Variants in FAT2 observed in about 807,000 individuals in gnomAD.
FAT2 encodes the protein FAT atypical cadherin 2.
In FAT2, 150 loss-of-function variants were observed where a neutral mutation model predicts 295.3. That is an observed-to-expected ratio of 0.51 (90% CI 0.44 to 0.58). The LOEUF (loss-of-function observed/expected upper bound fraction) is 0.58. Among genes scored for constraint, FAT2 ranks in the 20% least tolerant of loss-of-function variants. FAT2 has a pLI of 0.00. For missense variants in FAT2, 4,868 were observed against 5,442.7 expected (o/e 0.89, Z 3.32); for synonymous variants, 2,026 against 2,150.3 (o/e 0.94, Z 1.60).
In FAT2 at chr5:151,521,868, G is replaced by A. The variant is rs2127580211; in HGVS notation, c.10725C>T (p.Gly3575=). 1 of 1,614,180 alleles carries A rather than the reference G, an allele frequency of 6.2e-7. No individual in the cohort carries two copies. Among genetic ancestry groups the A allele is most frequent in the Non-Finnish European group, 8.5e-7 (1 of 1,180,016 alleles). Residue 3575 remains glycine, a synonymous_variant, in exon 19 of 24, where the codon GGC becomes GGT. Transcript: ENST00000261800. ...CAGGCGCACCCACTGAGAAGTGCCT[G>A]CCCAGGGTCTCCTCTTCTGCCAGGC... ...TYSLAEEETL[G]RHFSVGAPDG... is the part of the protein sequence containing the mutation.
Position 151,521,921 on chromosome 5 carries a change from G to C in FAT2, c.10672C>G (p.Arg3558Gly). The C allele has an allele frequency of 6.2e-7, 1 of 1,613,904 alleles. No homozygotes were observed. The highest frequency in any genetic ancestry group is 8.5e-7 in the Non-Finnish European group (1 of 1,179,808). The change falls in exon 19 of 24, where the codon CGA becomes GGA. Residue 3558 changes from arginine to glycine, a missense_variant. Transcript: ENST00000261800. Reference protein sequence around the residue: ...GMVGKIHATDRDPQDTLTYSL... With the variant: ...GMVGKIHATDGDPQDTLTYSL... ...TAGGTCAGCGTGTCCTGGGGGTCTC[G>C]GTCTGTGGCATGGATCTTACCCACC...
chr5:151,565,657 A>AAAC lies in FAT2; in HGVS notation c.3259+15_3259+16insGTT. On this transcript the variant is annotated intron_variant, in intron 2 of 23. Coordinates refer to ENST00000261800, the MANE Select transcript of FAT2 (RefSeq NM_001447.3). ...ACCTCTGGCCCTGGCACCCCACCCT[A>AAAC]CCCCACCCCCAGTACCTGTATCTTG... 10 of 1,038,294 alleles carry AAAC rather than the reference A, an allele frequency of 9.6e-6. No homozygotes were observed. Among genetic ancestry groups the AAAC allele is most frequent in the South Asian group, 1.5e-5 (1 of 67,370 alleles). The allele number at this position is 1,038,294 out of a possible 1,614,324, so 64.3% of individuals were successfully genotyped here.
intron 2 of FAT2, 26 bp downstream of exon 2, chr5:151,565,647 A>ACCGCCC: frequency 3.2e-5 from 47 of 1,461,012 alleles, no homozygotes; most frequent in Non-Finnish European, 3.2e-5. Context: ...TGGCCCTGGC[A>ACCGCCC]CCCCACCCTA....
intron 1 of FAT2, among the ~76,000 whole-genome samples, chr5:151,584,634 G>A (rs896959410): frequency 1.3e-5 from 2 of 152,182 alleles, no homozygotes; most frequent in East Asian, 1.9e-4. Flanking sequence ...CTTAGTGAGC[G>A]CTTGTGCTGT....
At chr5:151,556,250 A>T (rs527519433) in intron 4 of FAT2, 94 bp downstream of exon 4, 1 of 1,044,390 alleles carries the variant, frequency 9.6e-7, no homozygotes. Flanking sequence ...CTGAACCCAG[A>T]CCCTCCTCAG....
At chr5:151,509,877 C>T (rs1167496447) in intron 22 of FAT2, 144 bp downstream of exon 22, 1 of 924,142 alleles carries the variant, frequency 1.1e-6, no homozygotes, top group Non-Finnish European at 1.6e-6. Flanking sequence ...GGTTGGGGAC[C>T]ACTGCCCTAA....
Position 151,544,845 on chromosome 5 carries a change from G to C in FAT2, c.6282C>G (p.Ala2094=). ...EPGDVLFQVS[A]TDEDLGTNGA... Reference sequence around the variant, plus strand: ...CATTTGTCCCCAAGTCCTCATCAGTGGCAGATACCTGAAAGAGGACATCCC... The same window carrying C: ...CATTTGTCCCCAAGTCCTCATCAGTCGCAGATACCTGAAAGAGGACATCCC... Residue 2094 remains alanine (A), a synonymous_variant, in exon 10 of 24, where the codon GCC becomes GCG. Transcript: ENST00000261800. 1 of 1,614,170 alleles carries C rather than the reference G, an allele frequency of 6.2e-7. No individual in the cohort carries two copies. The highest frequency in any genetic ancestry group is 8.5e-7 in the Non-Finnish European group (1 of 1,180,032).
rs1171640216 is a variant in FAT2 at position 151,525,897 on chromosome 5, G to A, written c.10377C>T (p.Gly3459=). 2 of 1,614,170 alleles carry A rather than the reference G, an allele frequency of 1.2e-6. No homozygotes were observed. Among genetic ancestry groups the A allele is most frequent in the East Asian group, 4.5e-5 (2 of 44,886 alleles). The change falls in exon 18 of 24, where the codon GGC becomes GGT. Residue 3459 remains glycine (G), a synonymous_variant. Coordinates refer to ENST00000261800, the MANE Select transcript of FAT2 (RefSeq NM_001447.3). ...ILSDPDSPEN[G]PPYSFRITKG... Reference sequence around the variant, plus strand: ...TGGTGATTCGAAACGAGTAGGGGGGGCCATTCTCTGGAGAATCTGGGTCAC... The same window carrying A: ...TGGTGATTCGAAACGAGTAGGGGGGACCATTCTCTGGAGAATCTGGGTCAC...
At chr5:151,561,961 A>T (rs531118817) in intron 3 of FAT2, among the ~76,000 whole-genome samples, 26 of 152,210 alleles carry the variant, frequency 1.7e-4, no homozygotes, top group Non-Finnish European at 3.1e-4. Context: ...TGAGAAGTTA[A>T]TGCCTTAGGT....
rs757933063 is a variant in FAT2, at chr5:151,525,943, T to C, written c.10331A>G (p.Lys3444Arg). ...GTCACTCAGGATCAGCTGCAGGACT[T>C]TGCTGCCAATGGGGGAGTTCTCCTG... ...TVQENSPIGS[K>R]VLQLILSDPD... Residue 3444 changes from lysine (K) to arginine (R), a missense_variant, in exon 18 of 24, where the codon AAA becomes AGA. By Grantham distance (26) the Lys-to-Arg change is conservative. This residue lies in a region of FAT2 where 1,046 missense variants were observed against 1,210.1 expected (regional missense o/e 0.86). Coordinates refer to ENST00000261800, the MANE Select transcript of FAT2 (RefSeq NM_001447.3). 1 of 1,614,126 alleles carries C rather than the reference T, an allele frequency of 6.2e-7. No homozygotes were observed.
chr5:151,542,056 A>G (rs756296312), intron 10 of FAT2, among the ~76,000 whole-genome samples: 4 of 152,224 alleles, frequency 2.6e-5, no homozygotes, highest in Non-Finnish European at 5.9e-5. Flanking sequence ...TTTCTAATGT[A>G]TAGGTGCTTT....
In FAT2 at chr5:151,553,356, A is replaced by T. The variant is rs768545956; in HGVS notation, c.3977T>A (p.Leu1326His). 3 of 1,614,206 alleles carry T rather than the reference A, an allele frequency of 1.9e-6. No homozygotes were observed. Among genetic ancestry groups the T allele is most frequent in the Non-Finnish European group, 2.5e-6 (3 of 1,180,034 alleles). The part of the protein sequence containing the change: ...IKATDSGQPP[L>H]SASVRLHIEW... ...AATGTGTAGCCGGACACTGGCTGAG[A>T]GTGGTGGCTGCCCACTGTCTGTTGC... The change falls in exon 6 of 24, where the codon CTC becomes CAC. Residue 1326 changes from leucine to histidine, a missense_variant. By Grantham distance (99) the Leu-to-His change is moderately conservative (BLOSUM62 -3). Coordinates refer to ENST00000261800, the MANE Select transcript of FAT2 (RefSeq NM_001447.3).
Position 151,542,776 on chromosome 5 carries a change from T to C in FAT2, c.8351A>G (p.Asn2784Ser), listed in dbSNP as rs1210128749. ...GTCATTGACGTCTCCCACTTGGATG[T>C]TGACAGAGACCAAGGACACCACATC... ...NTDVVSLVSV[N>S]IQVGDVNDNR... Residue 2784 changes from asparagine to serine, a missense_variant, in exon 10 of 24, where the codon AAC (asparagine) becomes AGC (serine). Asn to Ser is a conservative substitution (Grantham distance 46, BLOSUM62 1). Transcript: ENST00000261800. 6.2e-7 allele frequency: 1 copy of C among 1,614,222 alleles called. No individual in the cohort carries two copies. The highest frequency in any genetic ancestry group is 1.3e-5 in the African/African-American group (1 of 75,056).
Position 151,568,117 on chromosome 5 carries a change from T to A in FAT2, c.815A>T (p.Tyr272Phe), listed in dbSNP as rs1212466738. ...ATTTGCATCGACCAGTACAGTGGCA[T>A]AGGTGGTACCATCATTGCTGTCTGG... ...TPPDSNDGTT[Y>F]ATVLVDANSS... The change falls in exon 2 of 24, where the codon TAT becomes TTT. Residue 272 changes from tyrosine (Y) to phenylalanine (F), a missense_variant. Physicochemically the swap from Tyr to Phe is conservative, Grantham distance 22. Transcript: ENST00000261800. 6.2e-7 allele frequency: 1 copy of A among 1,614,062 alleles called. No individual in the cohort carries two copies. The highest frequency in any genetic ancestry group is 1.3e-5 in the African/African-American group (1 of 74,922).
chr5:151,543,111 G>A lies in FAT2; in HGVS notation c.8016C>T (p.Asn2672=), dbSNP rs779780598. 1 of 1,614,188 alleles carries A rather than the reference G, an allele frequency of 6.2e-7. No homozygotes were observed. The highest frequency in any genetic ancestry group is 8.5e-7 in the Non-Finnish European group (1 of 1,180,036). ...CCTGAAGTCGTACTGGCACCAGAGA[G>A]TTCCAGTGAGGAGGGCCTCCATCTT... The part of the protein sequence containing the change: ...KAQDGGPPHW[N]SLVPVRLQVV... Residue 2672 remains asparagine, a synonymous_variant, in exon 10 of 24, where the codon AAC becomes AAT. Transcript: ENST00000261800.
intron 19 of FAT2, among the ~76,000 whole-genome samples, chr5:151,519,518 G>A (rs1193311923): frequency 2.6e-5 from 4 of 152,082 alleles, no homozygotes; most frequent in East Asian, 3.9e-4. Flanking sequence ...AAGTTCTCTC[G>A]GAGAATCTGA....
At position 151,543,729 on chromosome 5, in the gene FAT2, A is replaced by C. The variant is rs1756374983; in HGVS notation, c.7398T>G (p.Pro2466=). The C allele has an allele frequency of 6.2e-7, 1 of 1,614,108 alleles. No individual in the cohort carries two copies. Among genetic ancestry groups the C allele is most frequent in the African/African-American group, 1.3e-5 (1 of 74,938 alleles). Residue 2466 remains proline, a synonymous_variant, in exon 10 of 24, where the codon CCT becomes CCG. Coordinates refer to ENST00000261800, the MANE Select transcript of FAT2 (RefSeq NM_001447.3). ...ASDGVFRATV[P]VYINTTNANK... is the part of the protein sequence containing the mutation. ...TGGCATTTGTAGTGTTGATGTACAC[A>C]GGCACAGTTGCTCGGAAGACTCCAT... is the stretch of plus-strand genomic sequence containing the variant.
chr5:151,586,320 C>A (rs138234060), intron 1 of FAT2, among the ~76,000 whole-genome samples: 1 of 152,354 alleles, frequency 6.6e-6, no homozygotes, highest in East Asian at 1.9e-4. Flanking sequence ...CTGTGAGCTC[C>A]CTGCCCCCAG....
At chr5:151,520,450 A>G (rs2127578422) in intron 19 of FAT2, among the ~76,000 whole-genome samples, 1 of 152,192 alleles carries the variant, frequency 6.6e-6, no homozygotes, top group East Asian at 1.9e-4. Flanking sequence ...GGGGCTAATG[A>G]CCCTGCTTGG....
Sources: allele counts gnomAD v4.1 joint callset (sites outside exome capture counted in the v4.1 genomes callset), GRCh38; gene constraint gnomAD v4.1.1; regional missense constraint gnomAD v4.1.1; transcripts MANE v1.5; gene names NCBI Gene and HGNC (gene_info 2026-07-23, HGNC 2026-07-21).